CRTAC1: variants seen among roughly 807,000 people sequenced by gnomAD.
The protein encoded by CRTAC1 is acidic secreted protein in cartilage.
A neutral mutation model predicts 67.8 loss-of-function variants in CRTAC1; 37 were observed. That is an observed-to-expected ratio of 0.55 (90% CI 0.42 to 0.72). The LOEUF (loss-of-function observed/expected upper bound fraction) is 0.72, where lower values mean the gene tolerates loss of function less well. CRTAC1 is among the 30% of genes least tolerant of loss of function. The pLI is 0.00. For missense variants in CRTAC1, 780 were observed against 931.6 expected (o/e 0.84, Z 2.12); for synonymous variants, 348 against 371.0 (o/e 0.94, Z 0.71).
chr10:97,982,862 C>T (rs1050938062), intron 2 of CRTAC1, among the ~76,000 whole-genome samples: 1 of 152,154 alleles, frequency 6.6e-6, no homozygotes, highest in African/African-American at 2.4e-5. Context: ...AAGTTGTTGC[C>T]TATGGAAAGA....
intron 6 of CRTAC1, 142 bp from the exon 7 acceptor site, chr10:97,904,956 C>T (rs1416911288): frequency 6.1e-6 from 6 of 976,212 alleles, no homozygotes; most frequent in Non-Finnish European, 8.5e-6. Context: ...GACATAGCTG[C>T]AGTCTCAGAA....
rs2051779108 is a variant in CRTAC1 at position 97,975,156 on chromosome 10, G to A, written c.224+35982C>T. Among the ~76,000 whole-genome samples the A allele has an allele frequency of 6.6e-6, 1 of 152,192 alleles. No individual in the cohort carries two copies. Among genetic ancestry groups the A allele is most frequent in the Non-Finnish European group, 1.5e-5 (1 of 68,026 alleles). On this transcript the variant is annotated intron_variant, in intron 2 of 14. Coordinates refer to ENST00000370597, the MANE Select transcript of CRTAC1 (RefSeq NM_018058.7). The surrounding 1 kb of genome is among the most constrained non-coding windows in gnomAD (Gnocchi z 4.8). ...AAACGGCAGCATTTAAGGGCCCTGC[G>A]AAGGAATCCAATTTGCGCACAAGGA...
intron 14 of CRTAC1, chr10:97,876,039 C>G (rs532917098): frequency 6.6e-6 from 1 of 152,188 alleles, no homozygotes; most frequent in African/African-American, 2.4e-5. Context: ...TGAACGTGAC[C>G]GTGGGGAGGA....
At chr10:97,995,730 A>G (rs1481246917) in intron 2 of CRTAC1, among the ~76,000 whole-genome samples, 1 of 152,210 alleles carries the variant, frequency 6.6e-6, no homozygotes, top group Non-Finnish European at 1.5e-5. Flanking sequence ...CATAAAGAGT[A>G]TTACTAATCC....
At chr10:97,879,262 G>C (rs967451951) in intron 14 of CRTAC1, among the ~76,000 whole-genome samples, 4 of 152,058 alleles carry the variant, frequency 2.6e-5, no homozygotes, top group Non-Finnish European at 5.9e-5. Context: ...AGGAAGTCAG[G>C]GGCAAAAAGC....
intron 1 of CRTAC1, among the ~76,000 whole-genome samples, chr10:98,024,036 C>T (rs1203856204): frequency 6.6e-6 from 1 of 152,232 alleles, no homozygotes; most frequent in Non-Finnish European, 1.5e-5. Flanking sequence ...CAACATGATG[C>T]TTCCTTTAAG....
intron 2 of CRTAC1, among the ~76,000 whole-genome samples, chr10:97,937,286 C>T (rs1023978632): frequency 6.6e-6 from 1 of 151,826 alleles, no homozygotes; most frequent in African/African-American, 2.4e-5. Flanking sequence ...CCGCTGGCTC[C>T]CTCCTTCATC....
intron 2 of CRTAC1, among the ~76,000 whole-genome samples, chr10:97,978,813 G>A (rs1164885123): frequency 6.6e-6 from 1 of 152,116 alleles, no homozygotes; most frequent in Non-Finnish European, 1.5e-5. Context: ...AAATGATCTT[G>A]CTTATTTGTT....
intron 11 of CRTAC1, among the ~76,000 whole-genome samples, chr10:97,890,117 A>ACT (rs1554913487): frequency 7.1e-6 from 1 of 141,684 alleles, no homozygotes; most frequent in African/African-American, 2.6e-5. Flanking sequence ...ACACACACAC[A>ACT]CTCTCACACG....
chr10:97,933,637 G>A (rs566238517), intron 3 of CRTAC1, among the ~76,000 whole-genome samples: 13 of 152,366 alleles, frequency 8.5e-5, no homozygotes, highest in East Asian at 1.9e-4. Context: ...ACACAAGGCC[G>A]TGTTGAGGAT....
At chr10:97,870,491 G>A (rs2050080734) in intron 14 of CRTAC1, 1 of 152,144 alleles carries the variant, frequency 6.6e-6, no homozygotes, top group African/African-American at 2.4e-5. Flanking sequence ...TGGGAGCTCA[G>A]GATGTTCTGT....
At chr10:97,883,549 C>G (rs937519849) in intron 12 of CRTAC1, among the ~76,000 whole-genome samples, 1 of 152,214 alleles carries the variant, frequency 6.6e-6, no homozygotes. Context: ...CCTCTCCTCC[C>G]AAAGCCAGTG....
chr10:97,989,235 A>T (rs192049024), intron 2 of CRTAC1, among the ~76,000 whole-genome samples: 42 of 152,146 alleles, frequency 2.8e-4, no homozygotes, highest in Admixed American at 2.2e-3. Flanking sequence ...TCACATGCCG[A>T]TTCCTCATAA....
intron 14 of CRTAC1, among the ~76,000 whole-genome samples, chr10:97,875,165 T>G (rs953455326): frequency 6.6e-6 from 1 of 152,244 alleles, no homozygotes; most frequent in Non-Finnish European, 1.5e-5. Flanking sequence ...GTCATGAGGT[T>G]GAATTACAGC....
intron 1 of CRTAC1, among the ~76,000 whole-genome samples, chr10:98,021,388 C>G (rs1457906557): frequency 1.3e-5 from 2 of 152,156 alleles, no homozygotes; most frequent in Non-Finnish European, 2.9e-5. Flanking sequence ...AAAAGGCAGA[C>G]AAAACCTCGG....
chr10:97,932,710 G>A (rs1207432387), intron 3 of CRTAC1, among the ~76,000 whole-genome samples: 3 of 152,144 alleles, frequency 2.0e-5, no homozygotes, highest in African/African-American at 7.2e-5. Flanking sequence ...GAGGAAAGAA[G>A]GTCAGAAAGG....
chr10:97,899,133 G>A (rs2050499611), intron 8 of CRTAC1, among the ~76,000 whole-genome samples: 1 of 152,194 alleles, frequency 6.6e-6, no homozygotes, highest in African/African-American at 2.4e-5. Flanking sequence ...TGGGACAGTT[G>A]GGGGTTAAAC....
chr10:97,905,541 C>T (rs188033588), intron 6 of CRTAC1, among the ~76,000 whole-genome samples: 37 of 152,322 alleles, frequency 2.4e-4, no homozygotes, highest in African/African-American at 6.7e-4. Flanking sequence ...TCACAATGTG[C>T]GGTTACGTTC....
chr10:97,882,477 G>C (rs1285986081), intron 13 of CRTAC1, among the ~76,000 whole-genome samples: 1 of 152,190 alleles, frequency 6.6e-6, no homozygotes, highest in African/African-American at 2.4e-5. Context: ...ATGGCATGTG[G>C]CTATTCCCCC....
Sources: allele counts gnomAD v4.1 joint callset (sites outside exome capture counted in the v4.1 genomes callset), GRCh38; gene constraint gnomAD v4.1.1; non-coding constraint Gnocchi (gnomAD v3.1); transcripts MANE v1.5; gene names NCBI Gene and HGNC (gene_info 2026-07-23, HGNC 2026-07-21).